CNTLN: variants seen among roughly 807,000 people sequenced by gnomAD.
The protein encoded by CNTLN is centlein.
CNTLN carries 212 observed loss-of-function variants against 180.0 expected under a neutral mutation model. The observed-to-expected ratio is 1.18, with a 90% CI of 1.05 to 1.32. The LOEUF is 1.32. Ranked by LOEUF, CNTLN falls within the 40% of genes most tolerant of loss-of-function variation. The pLI is 0.00. For synonymous variants in CNTLN, 722 were observed against 563.1 expected, an observed-to-expected ratio of 1.28 and a Z score of -3.99; for missense variants, 2,095 against 1,610.9, an observed-to-expected ratio of 1.30 and a Z score of -5.14.
chr9:17,243,301 G>T (rs1054930404), intron 5 of CNTLN, among the ~76,000 whole-genome samples: 1 of 151,632 alleles, frequency 6.6e-6, no homozygotes, highest in Non-Finnish European at 1.5e-5. Flanking sequence ...CTTTTGTATT[G>T]TGTATTTCAA....
Position 17,466,032 on chromosome 9 carries a change from C to A in CNTLN, c.3583C>A (p.Leu1195Ile). The A allele has an allele frequency of 6.2e-7, 1 of 1,604,626 alleles. No homozygotes were observed. Residue 1195 changes from leucine (L) to isoleucine (I), a missense_variant, in exon 22 of 26, where the codon CTA (leucine) becomes ATA (isoleucine). By Grantham distance (5) the Leu-to-Ile change is conservative. Transcript: ENST00000380647. ...CAACAAGAAGGTATCAATTGATTCACTAAAGCAAAGACTTAACGTTGCTGT... is the reference window on the plus strand; with the variant it reads ...CAACAAGAAGGTATCAATTGATTCAATAAAGCAAAGACTTAACGTTGCTGT... ...CSNKKVSIDS[L>I]KQRLNVAVKE...
At chr9:17,333,511 A>G (rs905999181) in intron 10 of CNTLN, among the ~76,000 whole-genome samples, 1 of 152,156 alleles carries the variant, frequency 6.6e-6, no homozygotes, top group African/African-American at 2.4e-5. Context: ...AATGCAGTAC[A>G]CATGAAGCTC....
At position 17,457,700 on chromosome 9, in the gene CNTLN, G is replaced by A; in HGVS notation, c.3291G>A (p.Leu1097=). ...GCATGGATTTGGAAATGAAGCAATTGCAGTATAAACTAAAGGTGATTATAA... is the reference window on the plus strand; with the variant it reads ...GCATGGATTTGGAAATGAAGCAATTACAGTATAAACTAAAGGTGATTATAA... ...SRSMDLEMKQ[L]QYKLKNATNE... is the part of the protein sequence containing the mutation. Residue 1097 remains leucine, a synonymous_variant, in exon 19 of 26, where the codon TTG becomes TTA. Coordinates refer to ENST00000380647, the MANE Select transcript of CNTLN (RefSeq NM_017738.4). 1 of 1,488,324 alleles carries A rather than the reference G, an allele frequency of 6.7e-7. No homozygotes were observed. Among genetic ancestry groups the A allele is most frequent in the South Asian group, 1.5e-5 (1 of 65,640 alleles). The allele number at this position is 1,488,324 out of a possible 1,614,324, so 92.2% of individuals were successfully genotyped here. A position where few individuals can be genotyped will look rare whatever the true frequency, so the allele number is the denominator to read the frequency against.
chr9:17,299,649 G>A (rs1345351680), intron 7 of CNTLN: 1 of 985,088 alleles, frequency 1.0e-6, no homozygotes, highest in African/African-American at 1.8e-5. Flanking sequence ...CTAGAGCAGT[G>A]CTGCCTTTTT....
intron 2 of CNTLN, among the ~76,000 whole-genome samples, chr9:17,203,325 C>G (rs1822682539): frequency 6.6e-6 from 1 of 152,030 alleles, no homozygotes; most frequent in Non-Finnish European, 1.5e-5. Context: ...TGTGGTTGCT[C>G]TTCTTGAGGA....
At chr9:17,438,810 G>T (rs1048404678) in intron 18 of CNTLN, among the ~76,000 whole-genome samples, 15 of 152,146 alleles carry the variant, frequency 9.9e-5, no homozygotes, top group African/African-American at 3.1e-4. Flanking sequence ...CACCAAGGGC[G>T]TGGAGATAGG....
rs567373903 is a variant in CNTLN, at chr9:17,406,759, G to A, written c.2616-2534G>A. 5.8e-4 allele frequency among the ~76,000 whole-genome samples: 88 copies of A among 151,802 alleles called. 2 individuals are homozygous for A. The highest frequency in any genetic ancestry group is 1.1e-3 in the Non-Finnish European group (73 of 68,012). On this transcript the variant is annotated intron_variant, in intron 15 of 25. Transcript: ENST00000380647. Reference sequence around the variant, plus strand: ...TCTTTCACATGCATAGGGCATAGTAGCCATTCAATAAATGTTTTTTGAATA... The same window carrying A: ...TCTTTCACATGCATAGGGCATAGTAACCATTCAATAAATGTTTTTTGAATA...
chr9:17,379,829 C>G (rs545853559), intron 13 of CNTLN, among the ~76,000 whole-genome samples: 10 of 152,188 alleles, frequency 6.6e-5, no homozygotes, highest in African/African-American at 2.4e-4. Flanking sequence ...CAAAAAAACT[C>G]ATTGCCTTTT....
chr9:17,358,145 A>G (rs1253214559), intron 12 of CNTLN, among the ~76,000 whole-genome samples: 1 of 152,096 alleles, frequency 6.6e-6, no homozygotes, highest in Non-Finnish European at 1.5e-5. Context: ...TTTTAAAGGT[A>G]GTGAAACAGG....
intron 5 of CNTLN, among the ~76,000 whole-genome samples, chr9:17,242,359 G>A (rs1825546634): frequency 6.6e-6 from 1 of 151,964 alleles, no homozygotes; most frequent in African/African-American, 2.4e-5. Context: ...ACCCAGGCGG[G>A]AGTGCAGTGG....
chr9:17,270,805 T>G (rs889873658), intron 5 of CNTLN, among the ~76,000 whole-genome samples: 2 of 151,952 alleles, frequency 1.3e-5, no homozygotes, highest in Non-Finnish European at 2.9e-5. Flanking sequence ...AATTTTCTAT[T>G]TTTTCTTTTT....
intron 18 of CNTLN, among the ~76,000 whole-genome samples, chr9:17,423,858 C>A (rs1253523441): frequency 1.3e-5 from 2 of 152,092 alleles, no homozygotes; most frequent in East Asian, 3.9e-4. Flanking sequence ...TCTCTCTCGG[C>A]TCAGTGTAGC....
At chr9:17,279,543 G>T (rs1170069648) in intron 6 of CNTLN, among the ~76,000 whole-genome samples, 1 of 151,928 alleles carries the variant, frequency 6.6e-6, no homozygotes, top group Non-Finnish European at 1.5e-5. Flanking sequence ...ACTATAGTCT[G>T]ATGCTCCAGT....
At chr9:17,207,182 A>T (rs1478371866) in intron 2 of CNTLN, among the ~76,000 whole-genome samples, 1 of 152,144 alleles carries the variant, frequency 6.6e-6, no homozygotes, top group Non-Finnish European at 1.5e-5. Context: ...TTTCCATTGC[A>T]ATTTGCTTAT....
chr9:17,386,735 T>G (rs1825714961), intron 13 of CNTLN, among the ~76,000 whole-genome samples: 1 of 152,254 alleles, frequency 6.6e-6, no homozygotes, highest in African/African-American at 2.4e-5. Flanking sequence ...AAATTCATTT[T>G]TAAATCAGTC....
At chr9:17,462,160 TTGAC>T (rs1289933257) in intron 19 of CNTLN, among the ~76,000 whole-genome samples, 21 of 151,742 alleles carry the variant, frequency 1.4e-4, no homozygotes, top group Non-Finnish European at 2.4e-4. Context: ...ATTTTGTGGG[TTGAC>T]TGGGAAGTTC....
intron 2 of CNTLN, among the ~76,000 whole-genome samples, chr9:17,193,172 G>A (rs968705856): frequency 6.6e-6 from 1 of 151,964 alleles, no homozygotes; most frequent in East Asian, 1.9e-4. Flanking sequence ...ATTTGGGTGG[G>A]GACACAGGCC....
intron 5 of CNTLN, among the ~76,000 whole-genome samples, chr9:17,247,788 T>TA (rs1563918767): frequency 5.3e-5 from 8 of 151,522 alleles, no homozygotes; most frequent in African/African-American, 1.9e-4. Context: ...ACTTTTTTTT[T>TA]TTTTTTTGCA....
intron 2 of CNTLN, among the ~76,000 whole-genome samples, chr9:17,163,181 C>G (rs2815176): frequency 0.35 from 52,525 of 151,920 alleles, 11,896 homozygotes; most frequent in African/African-American, 0.62. Context: ...GGTTGAGGGG[C>G]TAAGATTCCT....
Sources: allele counts gnomAD v4.1 joint callset (sites outside exome capture counted in the v4.1 genomes callset), GRCh38; gene constraint gnomAD v4.1.1; transcripts MANE v1.5; gene names NCBI Gene and HGNC (gene_info 2026-07-23, HGNC 2026-07-21).